The following DOK6 variants were observed in gnomAD, a reference collection of about 807,000 sequenced individuals.
DOK6 encodes the protein downstream of tyrosine kinase 6.
In DOK6, 22 loss-of-function variants were observed where a neutral mutation model predicts 44.0. That is an observed-to-expected ratio of 0.50 (90% CI 0.36 to 0.71). The LOEUF is 0.71. DOK6 is among the 30% of genes least tolerant of loss of function. The pLI is 0.00. For synonymous variants in DOK6, 166 were observed against 145.5 expected (o/e 1.14, Z -1.01); for missense variants, 340 against 416.4 (o/e 0.82, Z 1.60).
chr18:69,779,876 C>A (rs1790936), intron 7 of DOK6, among the ~76,000 whole-genome samples: 144,351 of 151,998 alleles, frequency 0.95, 68,980 homozygotes, highest in East Asian at 1. Context: ...CCTTTTCTAT[C>A]CTGTGAATAA....
At chr18:69,416,417 A>G (rs764288880) in intron 1 of DOK6, among the ~76,000 whole-genome samples, 1 of 152,146 alleles carries the variant, frequency 6.6e-6, no homozygotes, top group Non-Finnish European at 1.5e-5. Context: ...GTATGATTTA[A>G]TGGAATAACT....
chr18:69,440,302 T>C (rs1979100040), intron 1 of DOK6, among the ~76,000 whole-genome samples: 1 of 152,100 alleles, frequency 6.6e-6, no homozygotes, highest in Admixed American at 6.6e-5. Context: ...AATGAAATGG[T>C]TTAAAATATT....
rs187443053 is a variant in DOK6, at chr18:69,494,000, G to A, written c.67-70487G>A. On this transcript the variant is annotated intron_variant, in intron 1 of 7. Coordinates refer to ENST00000382713, the MANE Select transcript of DOK6 (RefSeq NM_152721.6). ...ACTTTACTTCAAAGGAGAGTAACCT[G>A]GGGTCTGTTTCAGGAATGTTAAAGT... Among the ~76,000 whole-genome samples, 1,180 of 152,300 alleles carry A rather than the reference G, an allele frequency of 7.7e-3. 9 individuals carry two copies. The highest frequency in any genetic ancestry group is 0.013 in the Non-Finnish European group (898 of 68,036).
At chr18:69,732,998 G>A (rs903419090) in intron 5 of DOK6, among the ~76,000 whole-genome samples, 1 of 152,122 alleles carries the variant, frequency 6.6e-6, no homozygotes, top group Non-Finnish European at 1.5e-5. Context: ...TACAATCATG[G>A]CAGAAGGGGA....
intron 3 of DOK6, among the ~76,000 whole-genome samples, chr18:69,617,328 A>AAAAGAAAGAAAGAAAGAAAGAAAGAAAG (rs34477258): frequency 5.4e-5 from 8 of 148,810 alleles, no homozygotes; most frequent in African/African-American, 1.7e-4. Context: ...AGAGAGAAAG[A>AAAAGAAAGAAAGAAAGAAAGAAAGAAAG]AAAGAAAGAA....
chr18:69,796,835 T>C lies in DOK6; in HGVS notation c.856+38962T>C, dbSNP rs182873654. On this transcript the variant is annotated intron_variant, in intron 7 of 7. Coordinates refer to ENST00000382713, the MANE Select transcript of DOK6 (RefSeq NM_152721.6). Reference sequence around the variant, plus strand: ...CTTGTTTCTTGAGTAGGCTAGAATATTGAAGTTATTTGATGTTACATAACT... The same window carrying C: ...CTTGTTTCTTGAGTAGGCTAGAATACTGAAGTTATTTGATGTTACATAACT... Among the ~76,000 whole-genome samples the C allele has an allele frequency of 3.3e-4, 51 of 152,312 alleles. 1 individual carries two copies. The East Asian group carries it at 8.9e-3, about 27-fold the overall frequency.
chr18:69,439,213 T>C (rs1398033503), intron 1 of DOK6, among the ~76,000 whole-genome samples: 1 of 152,230 alleles, frequency 6.6e-6, no homozygotes, highest in Non-Finnish European at 1.5e-5. Flanking sequence ...AAATATTCAG[T>C]AAACCATGCT....
At chr18:69,430,262 T>A (rs1209110618) in intron 1 of DOK6, among the ~76,000 whole-genome samples, 1 of 152,228 alleles carries the variant, frequency 6.6e-6, no homozygotes, top group Non-Finnish European at 1.5e-5. Context: ...ATTATGCCTG[T>A]ATCTTCAGTC....
intron 1 of DOK6, among the ~76,000 whole-genome samples, chr18:69,554,849 T>A (rs1464791670): frequency 6.6e-6 from 1 of 152,204 alleles, no homozygotes; most frequent in Non-Finnish European, 1.5e-5. Flanking sequence ...TGATATCTTA[T>A]TGTGCTTTTA....
intron 1 of DOK6, among the ~76,000 whole-genome samples, chr18:69,539,903 G>T (rs1324877229): frequency 1.3e-5 from 2 of 152,106 alleles, no homozygotes; most frequent in African/African-American, 4.8e-5. Context: ...TGGGAAAGAG[G>T]TATAATTGAC....
intron 2 of DOK6, among the ~76,000 whole-genome samples, chr18:69,592,846 T>C (rs546840798): frequency 3.8e-4 from 58 of 152,264 alleles, no homozygotes; most frequent in African/African-American, 1.1e-3. Context: ...TTAATACATG[T>C]TGATAATTTT....
At chr18:69,546,538 A>G (rs150242739) in intron 1 of DOK6, among the ~76,000 whole-genome samples, 1 of 151,522 alleles carries the variant, frequency 6.6e-6, no homozygotes, top group African/African-American at 2.4e-5. Flanking sequence ...GTGGGGTACT[A>G]CCTATAAAAT....
chr18:69,687,935 G>A (rs72963481), intron 4 of DOK6, among the ~76,000 whole-genome samples: 4,400 of 152,054 alleles, frequency 0.029, 82 homozygotes, highest in South Asian at 0.062. Flanking sequence ...TTGTGTACTC[G>A]GAAAACCCTA....
intron 7 of DOK6, among the ~76,000 whole-genome samples, chr18:69,838,273 G>A (rs1399259091): frequency 6.7e-6 from 1 of 150,222 alleles, no homozygotes; most frequent in Non-Finnish European, 1.5e-5. Flanking sequence ...ACCAAGGCCA[G>A]GAGCATTATC....
chr18:69,639,054 C>T (rs753745601), intron 3 of DOK6, among the ~76,000 whole-genome samples: 1 of 152,174 alleles, frequency 6.6e-6, no homozygotes, highest in Admixed American at 6.5e-5. Context: ...GGAATTGGGA[C>T]AGAAACTGAA....
chr18:69,507,307 G>T (rs1037884979), intron 1 of DOK6, among the ~76,000 whole-genome samples: 1 of 152,088 alleles, frequency 6.6e-6, no homozygotes, highest in Non-Finnish European at 1.5e-5. Context: ...GATTACAGGC[G>T]TGAGCCACCG....
Position 69,600,621 on chromosome 18 carries a change from A to G in DOK6, c.289+1123A>G, listed in dbSNP as rs1983849367. ...TCCTGTCAGCTGTCTTAAAACTGGT[A>G]AACCACTTTATTTTTCTCTGGGCTC... On this transcript the variant is annotated intron_variant, in intron 3 of 7. Transcript: ENST00000382713. Among the ~76,000 whole-genome samples the G allele has an allele frequency of 2.0e-5, 3 of 152,150 alleles. No homozygotes were observed. In the South Asian group the frequency reaches 6.2e-4, roughly 32 times the overall value.
At chr18:69,500,430 T>C (rs1568277675) in intron 1 of DOK6, among the ~76,000 whole-genome samples, 1 of 152,140 alleles carries the variant, frequency 6.6e-6, no homozygotes, top group African/African-American at 2.4e-5. Flanking sequence ...CTCTCCATTA[T>C]ACTGGCTCTC....
intron 1 of DOK6, among the ~76,000 whole-genome samples, chr18:69,493,724 T>C (rs533118049): frequency 3.3e-5 from 5 of 152,306 alleles, no homozygotes; most frequent in African/African-American, 9.6e-5. Flanking sequence ...GTGAATATAT[T>C]TACAAATAAT....
Sources: gnomAD v4.1 joint callset for allele counts (sites outside exome capture counted in the v4.1 genomes callset) on GRCh38, gnomAD v4.1.1 for gene constraint, MANE v1.5 for transcripts, NCBI Gene and HGNC (gene_info 2026-07-23, HGNC 2026-07-21) for gene names.